The following C1orf146 variants were observed in gnomAD, a reference collection of about 807,000 sequenced individuals.
C1orf146 encodes the protein chromosome 1 open reading frame 146.
C1orf146 carries 22 observed loss-of-function variants against 23.0 expected under a neutral mutation model. That is an observed-to-expected ratio of 0.96 (90% CI 0.68 to 1.36). The LOEUF is 1.36. Among genes scored for constraint, C1orf146 ranks in the 40% most tolerant of loss-of-function variants. The pLI is 0.00. For synonymous variants in C1orf146, 59 were observed against 65.3 expected, an observed-to-expected ratio of 0.90 and a Z score of 0.47; for missense variants, 199 against 206.8, an observed-to-expected ratio of 0.96 and a Z score of 0.23.
intron 2 of C1orf146, among the ~76,000 whole-genome samples, chr1:92,235,062 T>C (rs914586568): frequency 1.3e-5 from 2 of 152,172 alleles, no homozygotes; most frequent in African/African-American, 4.8e-5. Context: ...AAAAACCAGC[T>C]CCTGGATTCA....
chr1:92,228,947 C>A (rs1652036465), intron 1 of C1orf146: 2 of 422,934 alleles, frequency 4.7e-6, no homozygotes, highest in Admixed American at 5.8e-5. Context: ...ATGCATTTGC[C>A]AGGGACAAAT....
At chr1:92,243,631 C>T (rs1282902395) in intron 3 of C1orf146, among the ~76,000 whole-genome samples, 1 of 152,174 alleles carries the variant, frequency 6.6e-6, no homozygotes, top group Non-Finnish European at 1.5e-5. Context: ...AGGTGTGAGC[C>T]ACTGCACCCA....
Position 92,223,032 on chromosome 1 carries a change from C to T in C1orf146, c.-40+4984C>T, listed in dbSNP as rs148678931. The stretch of plus-strand genomic sequence containing the variant: ...CATTCCTTTTTGTTGCTGAGTAATA[C>T]GCCATTGTATGAATATATTACAATG... On this transcript the variant is annotated intron_variant, in intron 1 of 5. Transcript: ENST00000370375. Among the ~76,000 whole-genome samples the T allele has an allele frequency of 2.6e-3, 388 of 152,104 alleles. 3 individuals are homozygous for T. The highest frequency in any genetic ancestry group is 9.6e-3 in the South Asian group (46 of 4,804).
At position 92,231,393 on chromosome 1, in the gene C1orf146, A is replaced by G. The variant is rs780349946; in HGVS notation, c.-28A>G. On this transcript the variant is annotated 5_prime_UTR_variant, in exon 2 of 6. Coordinates refer to ENST00000370375, the MANE Select transcript of C1orf146 (RefSeq NM_001012425.2). ...CTTAATTTTCTCAGATTGTTGCACC[A>G]TTAGAAGCTAGGTTGATCCACAGAC... The G allele has an allele frequency of 1.4e-5, 22 of 1,521,084 alleles. No individual in the cohort carries two copies. Among genetic ancestry groups the G allele is most frequent in the African/African-American group, 9.8e-5 (7 of 71,456 alleles). 94.2% of individuals were successfully genotyped at this position (1,521,084 alleles called of 1,614,324 possible).
At chr1:92,218,521 G>A (rs1022606998) in intron 1 of C1orf146, among the ~76,000 whole-genome samples, 3 of 152,096 alleles carry the variant, frequency 2.0e-5, no homozygotes, top group African/African-American at 7.2e-5. Flanking sequence ...ACTGGCAAAG[G>A]TTTAAGAGGC....
chr1:92,218,284 A>G (rs1258046686), intron 1 of C1orf146, among the ~76,000 whole-genome samples: 1 of 152,066 alleles, frequency 6.6e-6, no homozygotes, highest in Non-Finnish European at 1.5e-5. Context: ...CTGCGAGTGT[A>G]AATTTTATTT....
intron 2 of C1orf146, among the ~76,000 whole-genome samples, chr1:92,239,510 G>A (rs529421643): frequency 9.2e-5 from 14 of 152,206 alleles, no homozygotes; most frequent in Admixed American, 2.0e-4. Flanking sequence ...CAGCACTTTG[G>A]GAGGCCAAGG....
intron 2 of C1orf146, among the ~76,000 whole-genome samples, chr1:92,232,287 G>A (rs1436615503): frequency 8.7e-6 from 1 of 114,944 alleles, no homozygotes; most frequent in Non-Finnish European, 1.7e-5. Flanking sequence ...AGTCCCCAGA[G>A]TGTGATGTTC....
At chr1:92,219,496 C>CTTTTTTTTTTTT (rs71091269) in intron 1 of C1orf146, among the ~76,000 whole-genome samples, 18 of 81,150 alleles carry the variant, frequency 2.2e-4, no homozygotes, top group Admixed American at 5.9e-4. Context: ...CTTTCTCTTT[C>CTTTTTTTTTTTT]TTTTTTTTTT....
At chr1:92,239,794 T>C (rs1652386253) in intron 2 of C1orf146, among the ~76,000 whole-genome samples, 2 of 152,164 alleles carry the variant, frequency 1.3e-5, no homozygotes, top group Non-Finnish European at 2.9e-5. Context: ...GTGAATTTAC[T>C]GTAATTATGT....
chr1:92,235,909 T>C (rs998928465), intron 2 of C1orf146, among the ~76,000 whole-genome samples: 2 of 152,156 alleles, frequency 1.3e-5, no homozygotes, highest in Non-Finnish European at 2.9e-5. Context: ...TAAAGTCTGT[T>C]TTATCAGAGA....
At chr1:92,238,660 G>C (rs1024081522) in intron 2 of C1orf146, among the ~76,000 whole-genome samples, 2 of 151,706 alleles carry the variant, frequency 1.3e-5, no homozygotes, top group Non-Finnish European at 2.9e-5. Context: ...TCCTCCTCCT[G>C]ATAAAAGGAT....
rs552809007 is a variant in C1orf146 at position 92,242,365 on chromosome 1, A to T, written c.160+60A>T. On this transcript the variant is annotated intron_variant, in intron 3 of 5. Transcript: ENST00000370375. ...ATGAAATATGTTGGTATAAATTCTAATGACTTCATAGTTCAGTAACCATGT... is the reference window on the plus strand; with the variant it reads ...ATGAAATATGTTGGTATAAATTCTATTGACTTCATAGTTCAGTAACCATGT... 116 of 906,748 alleles carry T rather than the reference A, an allele frequency of 1.3e-4. No homozygotes were observed. The African/African-American group carries it at 1.7e-3, about 13-fold the overall frequency. The allele number at this position is 906,748 out of a possible 1,614,324, so 56.2% of individuals were successfully genotyped here.
chr1:92,232,827 A>T (rs1373494711), intron 2 of C1orf146, among the ~76,000 whole-genome samples: 7 of 151,858 alleles, frequency 4.6e-5, no homozygotes, highest in African/African-American at 1.7e-4. Flanking sequence ...GATATCTCAT[A>T]GTGGTTTTGA....
intron 1 of C1orf146, among the ~76,000 whole-genome samples, chr1:92,228,066 A>T (rs1652012406): frequency 6.6e-6 from 1 of 152,114 alleles, no homozygotes; most frequent in Non-Finnish European, 1.5e-5. Context: ...TGTGTGTATT[A>T]TGCTTTTCTC....
chr1:92,222,904 TATAAA>T (rs1557484397), intron 1 of C1orf146, among the ~76,000 whole-genome samples: 1 of 152,094 alleles, frequency 6.6e-6, no homozygotes, highest in African/African-American at 2.4e-5. Flanking sequence ...GTATTTCTTA[TATAAA>T]ATAAACTATA....
At chr1:92,218,310 G>T (rs1007553744) in intron 1 of C1orf146, among the ~76,000 whole-genome samples, 1 of 151,986 alleles carries the variant, frequency 6.6e-6, no homozygotes, top group African/African-American at 2.4e-5. Flanking sequence ...AGGCTTTGTT[G>T]GTCACTCCGA....
intron 1 of C1orf146, among the ~76,000 whole-genome samples, chr1:92,218,722 G>A (rs1378243664): frequency 6.6e-6 from 1 of 151,634 alleles, no homozygotes; most frequent in South Asian, 2.1e-4. Flanking sequence ...CGTCCCCCGC[G>A]CCTGCCCCTC....
intron 2 of C1orf146, among the ~76,000 whole-genome samples, 157 bp from the exon 3 acceptor site, chr1:92,242,055 G>GT (rs1185571499): frequency 2.0e-5 from 3 of 152,060 alleles, no homozygotes; most frequent in Non-Finnish European, 2.9e-5. Context: ...CTTTTTTAAA[G>GT]TTTTTTCTCC....
Sources: allele counts gnomAD v4.1 joint callset (sites outside exome capture counted in the v4.1 genomes callset), GRCh38; gene constraint gnomAD v4.1.1; transcripts MANE v1.5; gene names NCBI Gene and HGNC (gene_info 2026-07-23, HGNC 2026-07-21).